GAB1: variants seen among roughly 807,000 people sequenced by gnomAD.
GAB1 encodes the protein GRB2-associated-binding protein 1.
GAB1 carries 19 observed loss-of-function variants against 66.5 expected under a neutral mutation model. The ratio of observed to expected loss-of-function variants is 0.29; its 90% confidence interval spans 0.20 to 0.42. The LOEUF (loss-of-function observed/expected upper bound fraction) is 0.42, where lower values mean the gene tolerates loss of function less well. GAB1 is among the 10% of genes least tolerant of loss of function. The probability of loss-of-function intolerance (pLI) is 1.00; values close to 1 mark genes in which losing one functional copy is unlikely to be tolerated. For missense variants in GAB1, 732 were observed against 858.5 expected (o/e 0.85, Z 1.84); for synonymous variants, 294 against 301.4 (o/e 0.98, Z 0.25).
In GAB1 at chr4:143,471,515, A is replaced by C. The variant is rs941645911; in HGVS notation, c.*2326A>C. 3 of 152,202 alleles carry C rather than the reference A, an allele frequency of 2.0e-5. No individual in the cohort carries two copies. In the South Asian group the frequency reaches 6.2e-4, roughly 31 times the overall value. 9.4% of individuals were successfully genotyped at this position (152,202 alleles called of 1,614,324 possible). ...CAATATAAATGTATTTTGGGTTCAC[A>C]TTTATGCTTATTCATTTTGGCTCAT... On this transcript the variant is annotated 3_prime_UTR_variant, in exon 10 of 10. Transcript: ENST00000262994.
At chr4:143,358,689 A>T (rs1054227154) in intron 1 of GAB1, among the ~76,000 whole-genome samples, 1 of 152,238 alleles carries the variant, frequency 6.6e-6, no homozygotes, top group African/African-American at 2.4e-5. Context: ...CACATTACTG[A>T]TAATCTCTTT....
intron 1 of GAB1, among the ~76,000 whole-genome samples, chr4:143,400,558 CTTTTTA>C (rs1578657133): frequency 6.6e-6 from 1 of 151,564 alleles, no homozygotes; most frequent in African/African-American, 2.4e-5. Flanking sequence ...TAGCTGAAGA[CTTTTTA>C]TTTTTTATTT....
At chr4:143,396,294 C>T (rs547658581) in intron 1 of GAB1, among the ~76,000 whole-genome samples, 25 of 152,242 alleles carry the variant, frequency 1.6e-4, no homozygotes, top group Non-Finnish European at 2.9e-4. Context: ...CTTTAACTCA[C>T]CCTTTGGAGT....
intron 1 of GAB1, among the ~76,000 whole-genome samples, chr4:143,344,112 G>C (rs554550425): frequency 1.3e-5 from 2 of 152,330 alleles, no homozygotes; most frequent in Admixed American, 6.5e-5. Flanking sequence ...GTTTACAACA[G>C]AGAGGGAGCA....
At chr4:143,460,851 T>C (rs1477717476) in intron 8 of GAB1, among the ~76,000 whole-genome samples, 1 of 152,180 alleles carries the variant, frequency 6.6e-6, no homozygotes, top group African/African-American at 2.4e-5. Flanking sequence ...TTTTCAGTTA[T>C]ATGTCATTTA....
chr4:143,461,824 T>G (rs1433316383), intron 8 of GAB1, among the ~76,000 whole-genome samples: 1 of 152,190 alleles, frequency 6.6e-6, no homozygotes, highest in Non-Finnish European at 1.5e-5. Flanking sequence ...TAAAGCCCAA[T>G]TCTGTCAATG....
chr4:143,417,205 G>A (rs1732738881), intron 2 of GAB1, among the ~76,000 whole-genome samples: 1 of 152,230 alleles, frequency 6.6e-6, no homozygotes, highest in South Asian at 2.1e-4. Flanking sequence ...AGGGACTTAG[G>A]AAAGAACAGA....
chr4:143,463,655 G>C (rs1002050493), intron 8 of GAB1, among the ~76,000 whole-genome samples: 5 of 151,330 alleles, frequency 3.3e-5, no homozygotes, highest in East Asian at 1.9e-4. Flanking sequence ...TCACACTACT[G>C]GTTTGTTATT....
chr4:143,460,522 G>A, intron 8 of GAB1, 35 bp downstream of exon 8: 1 of 1,602,926 alleles, frequency 6.2e-7, no homozygotes, highest in Non-Finnish European at 8.5e-7. Flanking sequence ...TTTCTGAGCA[G>A]CCCTTTTCAG....
rs1464939179 is a variant in GAB1, at chr4:143,358,337, G to A, written c.72+21077G>A. Among the ~76,000 whole-genome samples the A allele has an allele frequency of 3.3e-5, 5 of 152,212 alleles. No individual in the cohort carries two copies. The South Asian group carries it at 1.0e-3, about 32-fold the overall frequency. On this transcript the variant is annotated intron_variant, in intron 1 of 9. Transcript: ENST00000262994. The stretch of plus-strand genomic sequence containing the variant: ...GCCTGTTTAAAAGACAAATTTATAG[G>A]CGATTGTAATCTTCATGAAGCAATG...
At chr4:143,432,490 A>G (rs1330199084) in intron 2 of GAB1, among the ~76,000 whole-genome samples, 2 of 152,168 alleles carry the variant, frequency 1.3e-5, no homozygotes, top group East Asian at 3.8e-4. Context: ...AGAAAAATAA[A>G]CTTCCAGCAA....
intron 1 of GAB1, chr4:143,395,655 GT>G (rs1440836479): frequency 3.7e-6 from 1 of 273,324 alleles, no homozygotes; most frequent in African/African-American, 2.3e-5. Flanking sequence ...GTGAGAGCTT[GT>G]AAAATGTTGT....
At chr4:143,372,156 C>A (rs1318213937) in intron 1 of GAB1, among the ~76,000 whole-genome samples, 1 of 151,176 alleles carries the variant, frequency 6.6e-6, no homozygotes, top group Admixed American at 6.6e-5. Flanking sequence ...GAAACCCCAT[C>A]TCAGTTTAAA....
intron 2 of GAB1, among the ~76,000 whole-genome samples, chr4:143,420,734 T>C (rs1301571702): frequency 2.6e-5 from 4 of 152,056 alleles, no homozygotes; most frequent in Non-Finnish European, 4.4e-5. Context: ...TCTGAGTTGC[T>C]TTTCTCAAAA....
chr4:143,344,633 G>GA (rs1462983668), intron 1 of GAB1, among the ~76,000 whole-genome samples: 1 of 152,152 alleles, frequency 6.6e-6, no homozygotes, highest in Non-Finnish European at 1.5e-5. Flanking sequence ...TTGCCAGTGG[G>GA]ATGGCTATAG....
chr4:143,425,500 C>G, intron 2 of GAB1: 2 of 761,794 alleles, frequency 2.6e-6, no homozygotes, highest in Non-Finnish European at 4.8e-6. Flanking sequence ...AACACAGATT[C>G]TCCTCTGTGC....
intron 1 of GAB1, 136 bp downstream of exon 1, chr4:143,337,396 A>G (rs1025763571): frequency 5.6e-5 from 41 of 731,454 alleles, no homozygotes; most frequent in Non-Finnish European, 9.2e-5. Context: ...CTTGGCCCCT[A>G]CCCCTGGCGG....
chr4:143,439,811 C>G lies in GAB1; in HGVS notation c.1205C>G (p.Ser402Cys). 1 of 1,611,490 alleles carries G rather than the reference C, an allele frequency of 6.2e-7. No homozygotes were observed. The highest frequency in any genetic ancestry group is 1.1e-5 in the South Asian group (1 of 91,006). ...TTGTTCTTTATTTTAGATGCTAGTT[C>G]TCAAGACTGCTATGATATTCCACGA... is the stretch of plus-strand genomic sequence containing the variant. ...DLNKLRKDAS[S>C]QDCYDIPRAF... Residue 402 changes from serine (S) to cysteine (C), a missense_variant, in exon 5 of 10, where the codon TCT becomes TGT. Coordinates refer to ENST00000262994, the MANE Select transcript of GAB1 (RefSeq NM_002039.4).
intron 1 of GAB1, among the ~76,000 whole-genome samples, chr4:143,392,810 A>G (rs963653700): frequency 6.6e-6 from 1 of 152,188 alleles, no homozygotes; most frequent in African/African-American, 2.4e-5. Flanking sequence ...GTAGATTACA[A>G]TAGTACTTGG....
Sources: allele counts gnomAD v4.1 joint callset (sites outside exome capture counted in the v4.1 genomes callset), GRCh38; gene constraint gnomAD v4.1.1; transcripts MANE v1.5; gene names NCBI Gene and HGNC (gene_info 2026-07-23, HGNC 2026-07-21).